Variants in PDE7B observed in about 807,000 individuals in gnomAD.
PDE7B encodes the protein 3',5'-cyclic-AMP phosphodiesterase 7B.
PDE7B carries 29 observed loss-of-function variants against 56.2 expected under a neutral mutation model. That is an observed-to-expected ratio of 0.52 (90% CI 0.38 to 0.70). The LOEUF (loss-of-function observed/expected upper bound fraction) is 0.70, where lower values mean the gene tolerates loss of function less well. Among genes scored for constraint, PDE7B ranks in the 30% least tolerant of loss-of-function variants. PDE7B has a pLI of 0.00. For synonymous variants in PDE7B, 197 were observed against 196.9 expected, an observed-to-expected ratio of 1.00 and a Z score of 0.00; for missense variants, 490 against 565.0, an observed-to-expected ratio of 0.87 and a Z score of 1.35.
intron 8 of PDE7B, among the ~76,000 whole-genome samples, chr6:136,161,029 G>C (rs1306580721): frequency 6.6e-6 from 1 of 152,152 alleles, no homozygotes; most frequent in Non-Finnish European, 1.5e-5. Flanking sequence ...CTTGCTTACA[G>C]ATCTTCACAC....
At chr6:135,946,657 G>A (rs894981112) in intron 1 of PDE7B, among the ~76,000 whole-genome samples, 22 of 151,936 alleles carry the variant, frequency 1.4e-4, no homozygotes, top group Admixed American at 7.2e-4. Flanking sequence ...TCACAGCTAC[G>A]GTTAAATATG....
chr6:136,059,600 G>A (rs541744141), intron 2 of PDE7B, among the ~76,000 whole-genome samples: 81 of 152,248 alleles, frequency 5.3e-4, no homozygotes, highest in Middle Eastern at 3.4e-3. Context: ...GCAGTTGAGC[G>A]GGAAAAGCCT....
chr6:135,987,977 A>G (rs1775412416), intron 2 of PDE7B, among the ~76,000 whole-genome samples: 1 of 152,200 alleles, frequency 6.6e-6, no homozygotes, highest in Non-Finnish European at 1.5e-5. Context: ...ATACATGCCT[A>G]TCACATTTGT....
At chr6:136,155,265 T>TA in intron 7 of PDE7B, among the ~76,000 whole-genome samples, 1 of 152,292 alleles carries the variant, frequency 6.6e-6, no homozygotes, top group Non-Finnish European at 1.5e-5. Context: ...TTTTCTTCAT[T>TA]TACACATTTC....
intron 1 of PDE7B, among the ~76,000 whole-genome samples, chr6:135,909,257 G>A (rs1471275394): frequency 6.6e-6 from 1 of 152,126 alleles, no homozygotes; most frequent in African/African-American, 2.4e-5. Context: ...GATCTCAGAG[G>A]TGTGGTGCTG....
intron 1 of PDE7B, among the ~76,000 whole-genome samples, chr6:135,906,463 G>T (rs546647019): frequency 4.0e-4 from 61 of 152,110 alleles, no homozygotes; most frequent in Non-Finnish European, 7.2e-4. Context: ...CTTCTGAACA[G>T]TCATCATTTT....
chr6:136,136,090 C>A (rs1466383340), intron 3 of PDE7B, among the ~76,000 whole-genome samples: 3 of 152,108 alleles, frequency 2.0e-5, no homozygotes, highest in Non-Finnish European at 4.4e-5. Flanking sequence ...ACAACACTAA[C>A]CTTTTAATTT....
Position 136,187,082 on chromosome 6 carries a change from T to C in PDE7B, c.1092T>C (p.Asn364=). 1 of 1,587,642 alleles carries C rather than the reference T, an allele frequency of 6.3e-7. No individual in the cohort carries two copies. ...AACTGGAAATCAGTCCTCTTTGTAA[T>C]CAACAGAAAGATTCCATCCCTAGTA... is the stretch of plus-strand genomic sequence containing the variant. ...KFELEISPLC[N]QQKDSIPSIQ... The change falls in exon 12 of 13, where the codon AAT becomes AAC. Residue 364 remains asparagine (N), a synonymous_variant. Coordinates refer to ENST00000308191, the MANE Select transcript of PDE7B (RefSeq NM_018945.4).
At chr6:136,098,814 T>A (rs1312930692) in intron 2 of PDE7B, among the ~76,000 whole-genome samples, 9 of 152,060 alleles carry the variant, frequency 5.9e-5, no homozygotes, top group African/African-American at 1.9e-4. Flanking sequence ...CTAGGGTACA[T>A]GAGCACAACG....
chr6:136,008,421 A>C (rs184302692), intron 2 of PDE7B, among the ~76,000 whole-genome samples: 48 of 152,322 alleles, frequency 3.2e-4, no homozygotes, highest in African/African-American at 8.2e-4. Context: ...TGACGTCCAC[A>C]ATGGTTGAAC....
At chr6:136,133,268 C>T (rs1778150046) in intron 3 of PDE7B, among the ~76,000 whole-genome samples, 1 of 149,334 alleles carries the variant, frequency 6.7e-6, no homozygotes, top group Non-Finnish European at 1.5e-5. Context: ...CAAGAAGGGG[C>T]TGCCAAAAAA....
intron 2 of PDE7B, among the ~76,000 whole-genome samples, chr6:135,955,940 A>C (rs1774785159): frequency 1.3e-5 from 2 of 152,198 alleles, no homozygotes; most frequent in Admixed American, 6.5e-5. Flanking sequence ...AGTAAATCTG[A>C]GATGCCCAAG....
intron 10 of PDE7B, among the ~76,000 whole-genome samples, chr6:136,179,568 T>C (rs1036543754): frequency 2.6e-5 from 4 of 152,238 alleles, no homozygotes; most frequent in African/African-American, 7.2e-5. Context: ...AACTGATTTA[T>C]CACAGAGTAA....
At chr6:135,961,409 A>G (rs1421109909) in intron 2 of PDE7B, among the ~76,000 whole-genome samples, 2 of 151,952 alleles carry the variant, frequency 1.3e-5, no homozygotes, top group Non-Finnish European at 2.9e-5. Flanking sequence ...ATAATTTAAC[A>G]CTCAATGATT....
rs77907584 is a variant in PDE7B at position 136,185,038 on chromosome 6, G to A, written c.1046-1998G>A. Reference sequence around the variant, plus strand: ...GAAAAATCACTATTAACAGAATTACGGAGGTGAGGAGTGAAACTGGCTGTA... The same window carrying A: ...GAAAAATCACTATTAACAGAATTACAGAGGTGAGGAGTGAAACTGGCTGTA... On this transcript the variant is annotated intron_variant, in intron 11 of 12. Transcript: ENST00000308191. 2.6e-3 allele frequency among the ~76,000 whole-genome samples: 394 copies of A among 152,194 alleles called. 7 individuals are homozygous for A. Among genetic ancestry groups the A allele is most frequent in the East Asian group, 0.014 (74 of 5,164 alleles).
chr6:136,011,711 T>C (rs1183795724), intron 2 of PDE7B, among the ~76,000 whole-genome samples: 1 of 152,180 alleles, frequency 6.6e-6, no homozygotes, highest in Non-Finnish European at 1.5e-5. Flanking sequence ...GCAGGCACTA[T>C]GCATAGTTGC....
At chr6:135,874,098 C>T (rs1775443411) in intron 1 of PDE7B, among the ~76,000 whole-genome samples, 1 of 152,084 alleles carries the variant, frequency 6.6e-6, no homozygotes, top group Non-Finnish European at 1.5e-5. Flanking sequence ...CTTGGGAGGT[C>T]TCACTAAGCA....
intron 1 of PDE7B, among the ~76,000 whole-genome samples, chr6:135,904,176 A>G (rs1037812586): frequency 1.3e-5 from 2 of 152,206 alleles, no homozygotes; most frequent in Non-Finnish European, 1.5e-5. Flanking sequence ...AGGCCAGAAT[A>G]TTTTCTTTGC....
chr6:135,978,449 CTG>C (rs1178624227), intron 2 of PDE7B, among the ~76,000 whole-genome samples: 1 of 152,032 alleles, frequency 6.6e-6, no homozygotes, highest in East Asian at 1.9e-4. Flanking sequence ...TTTATAAACA[CTG>C]TACACTTAGG....
Sources: gnomAD v4.1 joint callset for allele counts (sites outside exome capture counted in the v4.1 genomes callset) on GRCh38, gnomAD v4.1.1 for gene constraint, MANE v1.5 for transcripts, NCBI Gene and HGNC (gene_info 2026-07-23, HGNC 2026-07-21) for gene names.